The following NELL2 variants were observed in gnomAD, a reference collection of about 807,000 sequenced individuals.
The protein encoded by NELL2 is neural EGFL like 2.
Under a neutral mutation model 109.6 loss-of-function variants are expected in NELL2, and 41 were observed. The observed-to-expected ratio is 0.37, with a 90% confidence interval of 0.29 to 0.49. The LOEUF is 0.49. Among genes scored for constraint, NELL2 ranks in the 20% least tolerant of loss-of-function variants. The pLI is 0.98. For synonymous variants in NELL2, 355 were observed against 344.7 expected (o/e 1.03, Z -0.33); for missense variants, 900 against 1,008.3 (o/e 0.89, Z 1.45).
chr12:44,837,628 A>G (rs1161248596), intron 2 of NELL2, among the ~76,000 whole-genome samples: 1 of 152,194 alleles, frequency 6.6e-6, no homozygotes, highest in East Asian at 1.9e-4. Flanking sequence ...GATTATCACC[A>G]TAGCTGTAGA....
chr12:44,677,059 A>T (rs554499800), intron 12 of NELL2, among the ~76,000 whole-genome samples: 1 of 152,116 alleles, frequency 6.6e-6, no homozygotes. Flanking sequence ...CCAGTCTTAC[A>T]AACAGGGAGA....
chr12:44,567,678 T>A (rs1943713188), intron 15 of NELL2, among the ~76,000 whole-genome samples: 1 of 152,168 alleles, frequency 6.6e-6, no homozygotes, highest in Non-Finnish European at 1.5e-5. Flanking sequence ...CTTTTGTCCT[T>A]AAGTTTTCTT....
intron 13 of NELL2, among the ~76,000 whole-genome samples, chr12:44,626,015 G>A (rs189431850): frequency 9.0e-4 from 136 of 151,950 alleles, no homozygotes; most frequent in African/African-American, 3.2e-3. Context: ...TTAATCATTA[G>A]CCTTCTCTAA....
intron 9 of NELL2, among the ~76,000 whole-genome samples, chr12:44,716,024 T>C (rs1938468190): frequency 6.6e-6 from 1 of 152,080 alleles, no homozygotes; most frequent in Non-Finnish European, 1.5e-5. Context: ...GGTCTCAAAC[T>C]CCTGTCCTTA....
chr12:44,894,274 C>T (rs560612929), intron 1 of NELL2, among the ~76,000 whole-genome samples: 1 of 152,194 alleles, frequency 6.6e-6, no homozygotes, highest in South Asian at 2.1e-4. Flanking sequence ...TCTAGGTTGG[C>T]TTGATGACAA....
At chr12:44,852,145 T>C (rs1437186146) in intron 2 of NELL2, among the ~76,000 whole-genome samples, 1 of 152,210 alleles carries the variant, frequency 6.6e-6, no homozygotes, top group African/African-American at 2.4e-5. Context: ...CAACAGTGGA[T>C]TTGATTTACT....
At chr12:44,660,667 C>G (rs1286981294) in intron 13 of NELL2, among the ~76,000 whole-genome samples, 1 of 152,184 alleles carries the variant, frequency 6.6e-6, no homozygotes, top group African/African-American at 2.4e-5. Context: ...TCTACCCATC[C>G]ATTCTTCCCA....
chr12:44,533,439 T>C (rs1257860276), intron 15 of NELL2, among the ~76,000 whole-genome samples: 2 of 152,004 alleles, frequency 1.3e-5, no homozygotes, highest in Non-Finnish European at 2.9e-5. Flanking sequence ...GCCATGTAGA[T>C]AGTACATTGA....
rs1316963511 is a variant in NELL2, at chr12:44,776,484, C to T, written c.763-334G>A. ...GTTTAATTTCATTTATATGCTTCTT[C>T]AAGTAAAAAAATAAAATTCAGAATT... On this transcript the variant is annotated intron_variant, in intron 7 of 19. Transcript: ENST00000429094. Among the ~76,000 whole-genome samples the T allele has an allele frequency of 2.0e-5, 3 of 152,014 alleles. No homozygotes were observed. In the East Asian group the frequency reaches 5.8e-4, roughly 29 times the overall value.
At chr12:44,918,517 A>ATATG (rs748382812), upstream of NELL2, among the ~76,000 whole-genome samples, 7 of 123,964 alleles carry the variant, frequency 5.6e-5, no homozygotes, top group South Asian at 2.6e-4. Flanking sequence ...GCATGCATGT[A>ATATG]TGTGTGTGTG....
Position 44,808,403 on chromosome 12 carries a change from A to G in NELL2, c.335+7583T>C, listed in dbSNP as rs74078938. On this transcript the variant is annotated intron_variant, in intron 3 of 19. Transcript: ENST00000429094. ...TAGTGATATATGTATGCTTGGCTAC[A>G]TTAGAATATATATTGTAACTTTCCT... Among the ~76,000 whole-genome samples the G allele has an allele frequency of 7.8e-3, 1,186 of 152,172 alleles. 17 individuals are homozygous for G. The highest frequency in any genetic ancestry group is 0.027 in the African/African-American group (1,136 of 41,540).
At chr12:44,883,695 G>C (rs563129745) in intron 1 of NELL2, among the ~76,000 whole-genome samples, 1 of 152,056 alleles carries the variant, frequency 6.6e-6, no homozygotes, top group Non-Finnish European at 1.5e-5. Context: ...AGAATAAAGG[G>C]ACCGATATAA....
intron 1 of NELL2, among the ~76,000 whole-genome samples, chr12:44,903,267 G>C (rs1239933171): frequency 1.3e-5 from 2 of 152,092 alleles, no homozygotes; most frequent in East Asian, 1.9e-4. Flanking sequence ...ACATTTATGT[G>C]GCCAACAAAC....
At chr12:44,749,879 G>A (rs984816347) in intron 9 of NELL2, among the ~76,000 whole-genome samples, 3 of 152,010 alleles carry the variant, frequency 2.0e-5, no homozygotes, top group Non-Finnish European at 4.4e-5. Context: ...CACTTAGTGA[G>A]TATACAAGGA....
chr12:44,719,863 T>C (rs1277703396), intron 9 of NELL2, among the ~76,000 whole-genome samples: 5 of 152,188 alleles, frequency 3.3e-5, no homozygotes, highest in African/African-American at 7.2e-5. Context: ...ACTCATTAAC[T>C]ATAATTATGT....
intron 3 of NELL2, among the ~76,000 whole-genome samples, chr12:44,783,053 C>T (rs1028665735): frequency 1.3e-5 from 2 of 151,826 alleles, no homozygotes; most frequent in East Asian, 3.9e-4. Flanking sequence ...AGTATGCTTT[C>T]CAACCACAAC....
intron 9 of NELL2, among the ~76,000 whole-genome samples, chr12:44,736,518 A>G (rs1939662767): frequency 1.3e-5 from 2 of 152,110 alleles, no homozygotes; most frequent in African/African-American, 2.4e-5. Context: ...CTTAATCAAA[A>G]AAAAAAAGAC....
intron 15 of NELL2, among the ~76,000 whole-genome samples, chr12:44,575,088 A>G (rs985858771): frequency 1.1e-4 from 17 of 152,182 alleles, no homozygotes; most frequent in Non-Finnish European, 1.5e-5. Context: ...TAAGCTCCAC[A>G]TGGGCAGGAA....
chr12:44,761,983 A>T (rs1941146369), intron 9 of NELL2, among the ~76,000 whole-genome samples: 1 of 152,204 alleles, frequency 6.6e-6, no homozygotes, highest in Admixed American at 6.5e-5. Flanking sequence ...AGCATTATAC[A>T]ATATATCCAT....
Sources: gnomAD v4.1 joint callset for allele counts (sites outside exome capture counted in the v4.1 genomes callset) on GRCh38, gnomAD v4.1.1 for gene constraint, MANE v1.5 for transcripts, NCBI Gene and HGNC (gene_info 2026-07-23, HGNC 2026-07-21) for gene names.